Variants in C2CD5 observed in about 807,000 individuals in gnomAD.
C2CD5 encodes C2 domain-containing protein 5.
A neutral mutation model predicts 130.3 loss-of-function variants in C2CD5; 109 were observed. The observed-to-expected ratio is 0.84, with a 90% CI of 0.72 to 0.98. C2CD5 has a LOEUF of 0.98. Ranked by LOEUF, C2CD5 falls within the 50% of genes least tolerant of loss-of-function variation. The probability of loss-of-function intolerance (pLI) is 0.00; values close to 1 mark genes in which losing one functional copy is unlikely to be tolerated. For synonymous variants in C2CD5, 454 were observed against 429.2 expected (o/e 1.06, Z -0.71); for missense variants, 996 against 1,261.8 (o/e 0.79, Z 3.19).
intron 22 of C2CD5, among the ~76,000 whole-genome samples, chr12:22,459,960 T>C (rs1289675896): frequency 6.6e-6 from 1 of 152,150 alleles, no homozygotes; most frequent in Non-Finnish European, 1.5e-5. Context: ...AGATTACAAA[T>C]TACAGACAAG....
intron 24 of C2CD5, 42 bp from the exon 25 acceptor site, chr12:22,457,203 T>C (rs1258119621): frequency 1.4e-6 from 2 of 1,379,452 alleles, no homozygotes; most frequent in Non-Finnish European, 2.0e-6. Context: ...GAACAGACGC[T>C]GGTAACACAA....
intron 15 of C2CD5, among the ~76,000 whole-genome samples, chr12:22,476,535 G>A (rs16924995): frequency 6.6e-6 from 1 of 152,046 alleles, no homozygotes; most frequent in African/African-American, 2.4e-5. Context: ...TAAACTGTAT[G>A]ACACATAGTA....
chr12:22,506,856 T>C lies in C2CD5; in HGVS notation c.1039-37A>G, dbSNP rs761703751. 2.3e-5 allele frequency: 29 copies of C among 1,250,364 alleles called. No homozygotes were observed. In the Middle Eastern group the frequency reaches 5.6e-4, roughly 24 times the overall value. The allele number at this position is 1,250,364 out of a possible 1,614,324, so 77.5% of individuals were successfully genotyped here. On this transcript the variant is annotated intron_variant, in intron 9 of 26. Transcript: ENST00000446597. ...AATAAGGGAAAAATACAACTTATCG[T>C]GTGTAGAGTGTAAAAAATTTGCTTA...
At chr12:22,457,430 T>C (rs1349820467) in intron 24 of C2CD5, among the ~76,000 whole-genome samples, 1 of 152,148 alleles carries the variant, frequency 6.6e-6, no homozygotes, top group Non-Finnish European at 1.5e-5. Flanking sequence ...CACACAATGA[T>C]TGGTTATAAA....
intron 8 of C2CD5, chr12:22,514,945 T>C (rs967585531): frequency 5.1e-6 from 5 of 981,232 alleles, no homozygotes; most frequent in Non-Finnish European, 6.1e-6. Context: ...AAAGCTGACA[T>C]AATGTGATCC....
In C2CD5 at chr12:22,449,553, A is replaced by C. The variant is rs1938067982; in HGVS notation, c.*207T>G. 1 of 425,418 alleles carries C rather than the reference A, an allele frequency of 2.4e-6. No individual in the cohort carries two copies. Among genetic ancestry groups the C allele is most frequent in the Non-Finnish European group, 4.3e-6 (1 of 235,122 alleles). 26.4% of individuals were successfully genotyped at this position (425,418 alleles called of 1,614,324 possible). A position where few individuals can be genotyped will look rare whatever the true frequency, so the allele number is the denominator to read the frequency against. On this transcript the variant is annotated 3_prime_UTR_variant, in exon 27 of 27. Coordinates refer to ENST00000446597, the MANE Select transcript of C2CD5 (RefSeq NM_001286176.2). ...TTTATCTTAACTTACTGAAGGGTCA[A>C]GACCCCACAGGGCCTGTCTAGAACA...
At chr12:22,482,250 A>G (rs1225354579) in intron 14 of C2CD5, among the ~76,000 whole-genome samples, 1 of 152,162 alleles carries the variant, frequency 6.6e-6, no homozygotes, top group Non-Finnish European at 1.5e-5. Flanking sequence ...TAGTACTGAG[A>G]TGGAGGAACC....
chr12:22,543,564 T>C (rs1411108674), intron 2 of C2CD5, among the ~76,000 whole-genome samples: 1 of 152,238 alleles, frequency 6.6e-6, no homozygotes, highest in Non-Finnish European at 1.5e-5. Context: ...TTAAACATGA[T>C]GTCCAGCACT....
At chr12:22,538,079 A>G (rs1052364091) in intron 2 of C2CD5, among the ~76,000 whole-genome samples, 1 of 152,238 alleles carries the variant, frequency 6.6e-6, no homozygotes, top group African/African-American at 2.4e-5. Flanking sequence ...AAATTAGAGG[A>G]TCACTAAAAA....
In C2CD5 at chr12:22,479,310, T is replaced by C. The variant is rs570906617; in HGVS notation, c.1738-833A>G. 4.4e-4 allele frequency among the ~76,000 whole-genome samples: 67 copies of C among 152,114 alleles called. 1 individual carries two copies. Among genetic ancestry groups the C allele is most frequent in the Non-Finnish European group, 6.5e-4 (44 of 67,952 alleles). ...GCTGGTCTCCAACTCCTGACCTCAA[T>C]TGATCCGCCTGCCTTGGCCTCCTAA... On this transcript the variant is annotated intron_variant, in intron 14 of 26. Transcript: ENST00000446597.
chr12:22,530,095 TATATATATATATATATAC>T (rs1330159632), intron 3 of C2CD5, among the ~76,000 whole-genome samples: 1 of 111,206 alleles, frequency 9.0e-6, no homozygotes, highest in East Asian at 2.4e-4. Flanking sequence ...TATATATATA[TATATATATATATATATAC>T]ACACACACAC....
chr12:22,533,231 A>T (rs944538706), intron 3 of C2CD5, among the ~76,000 whole-genome samples: 1 of 152,246 alleles, frequency 6.6e-6, no homozygotes, highest in East Asian at 1.9e-4. Context: ...CTTTGGAGTC[A>T]GGCAGTCTTC....
In C2CD5 at chr12:22,523,643, C is replaced by T; in HGVS notation, c.602-19G>A. 6.3e-7 allele frequency: 1 copy of T among 1,589,848 alleles called. No homozygotes were observed. Among genetic ancestry groups the T allele is most frequent in the Non-Finnish European group, 8.6e-7 (1 of 1,161,744 alleles). On this transcript the variant is annotated intron_variant, in intron 6 of 26. Transcript: ENST00000446597. ...AGCTCACCTACAAAACATGGGAAAT[C>T]TCATTCTTGCTTTGTAGCTTTACAT... is the stretch of plus-strand genomic sequence containing the variant.
chr12:22,515,906 A>G (rs933551604), intron 8 of C2CD5, among the ~76,000 whole-genome samples: 1 of 152,050 alleles, frequency 6.6e-6, no homozygotes, highest in African/African-American at 2.4e-5. Flanking sequence ...TAGTAAATCT[A>G]AAATTCCACT....
At position 22,511,801 on chromosome 12, in the gene C2CD5, G is replaced by C. The variant is rs770641116; in HGVS notation, c.1038+1493C>G. Among the ~76,000 whole-genome samples the C allele has an allele frequency of 6.9e-4, 105 of 152,092 alleles. 1 individual carries two copies. The Middle Eastern group carries it at 0.01, about 15-fold the overall frequency. On this transcript the variant is annotated intron_variant, in intron 9 of 26. Transcript: ENST00000446597. ...CATACAAGTAAAATCTTATTATATCGAATTTCAAGGGAACCCACATTTTTC... is the reference window on the plus strand; with the variant it reads ...CATACAAGTAAAATCTTATTATATCCAATTTCAAGGGAACCCACATTTTTC...
At chr12:22,525,462 G>T in intron 5 of C2CD5, 148 bp downstream of exon 5, 1 of 656,616 alleles carries the variant, frequency 1.5e-6, no homozygotes, top group Non-Finnish European at 2.7e-6. Flanking sequence ...CAGAACTACT[G>T]TAACTATTCT....
chr12:22,496,412 T>C (rs1370514969), intron 10 of C2CD5, among the ~76,000 whole-genome samples: 1 of 151,982 alleles, frequency 6.6e-6, no homozygotes, highest in Non-Finnish European at 1.5e-5. Flanking sequence ...CTAACATAAA[T>C]GCAAACAGAG....
chr12:22,538,676 A>G (rs1054915240), intron 2 of C2CD5, among the ~76,000 whole-genome samples: 8 of 152,234 alleles, frequency 5.3e-5, no homozygotes, highest in Non-Finnish European at 1.0e-4. Context: ...TTCAACAAGA[A>G]TCTTCCTTTC....
intron 10 of C2CD5, among the ~76,000 whole-genome samples, chr12:22,495,433 T>A (rs988459163): frequency 1.3e-5 from 2 of 152,114 alleles, no homozygotes; most frequent in Non-Finnish European, 2.9e-5. Flanking sequence ...GTTATAACAA[T>A]TCCTATGAGA....
Sources: allele counts gnomAD v4.1 joint callset (sites outside exome capture counted in the v4.1 genomes callset), GRCh38; gene constraint gnomAD v4.1.1; transcripts MANE v1.5; gene names NCBI Gene and HGNC (gene_info 2026-07-23, HGNC 2026-07-21).